Variants in KASH5 observed in about 807,000 individuals in gnomAD.
The protein encoded by KASH5 is protein KASH5.
Under a neutral mutation model 84.2 loss-of-function variants are expected in KASH5, and 72 were observed. The ratio of observed to expected loss-of-function variants is 0.85; its 90% CI spans 0.71 to 1.04. The LOEUF (loss-of-function observed/expected upper bound fraction) is 1.04. KASH5 is among the 50% of genes least tolerant of loss of function. The pLI is 0.00. For missense variants in KASH5, 650 were observed against 701.0 expected (o/e 0.93, Z 0.82); for synonymous variants, 260 against 279.1 (o/e 0.93, Z 0.68).
rs1479239846 is a variant in KASH5, at chr19:49,399,433, TG to T, written c.748-23del. 2 of 1,603,678 alleles carry T rather than the reference TG, an allele frequency of 1.2e-6. No homozygotes were observed. Among genetic ancestry groups the T allele is most frequent in the Admixed American group, 3.4e-5 (2 of 58,996 alleles). On this transcript the variant is annotated intron_variant, in intron 8 of 19. Coordinates refer to ENST00000447857, the MANE Select transcript of KASH5 (RefSeq NM_144688.5). The surrounding 1 kb of genome is among the most constrained non-coding windows in gnomAD (Gnocchi z 4.4). ...GCAAGGAGGCTAGAAATGAAACCTT[TG>T]TCCTCTCTCTGGGGTTGGTCAGGAA... is the stretch of plus-strand genomic sequence containing the variant.
In KASH5 at chr19:49,413,063, AC is replaced by A. The variant is rs532366690; in HGVS notation, c.1328+39del. Reference sequence around the variant, plus strand: ...AGCCATCCGTCTGCCTCAGGGTGACACCTTATTCACAGCTGTTTACAGTAGG... The same window carrying A: ...AGCCATCCGTCTGCCTCAGGGTGACACTTATTCACAGCTGTTTACAGTAGG... On this transcript the variant is annotated intron_variant, in intron 16 of 19. Coordinates refer to ENST00000447857, the MANE Select transcript of KASH5 (RefSeq NM_144688.5). 1.5e-4 allele frequency: 247 copies of A among 1,594,264 alleles called. No individual in the cohort carries two copies. The African/African-American group carries it at 2.8e-3, about 18-fold the overall frequency.
At chr19:49,397,175 AGC>A (rs1374829213) in intron 5 of KASH5, among the ~76,000 whole-genome samples, 1 of 152,106 alleles carries the variant, frequency 6.6e-6, no homozygotes, top group Non-Finnish European at 1.5e-5. Context: ...GAGGGCTGCA[AGC>A]AGAGGAGGGA....
chr19:49,403,987 C>T (rs1202000122), intron 9 of KASH5, among the ~76,000 whole-genome samples: 1 of 152,204 alleles, frequency 6.6e-6, no homozygotes, highest in African/African-American at 2.4e-5. Flanking sequence ...TGTGGAGAAC[C>T]TACAGAGCTG....
intron 7 of KASH5, among the ~76,000 whole-genome samples, chr19:49,398,474 G>T (rs115537323): frequency 0.034 from 5,184 of 151,318 alleles, 284 homozygotes; most frequent in African/African-American, 0.12. Context: ...GCTCTAGCGA[G>T]CCTCCCACCT....
intron 9 of KASH5, among the ~76,000 whole-genome samples, chr19:49,405,827 A>G (rs1487321447): frequency 1.3e-5 from 2 of 151,818 alleles, no homozygotes; most frequent in Non-Finnish European, 2.9e-5. Context: ...GTGGTGGCAC[A>G]TGCCTGTAAT....
chr19:49,415,312 C>T (rs1225750406), intron 17 of KASH5: 1 of 432,744 alleles, frequency 2.3e-6, no homozygotes, highest in Non-Finnish European at 4.3e-6. Flanking sequence ...AATGCACACG[C>T]ACATGCGCCC....
At chr19:49,394,606 G>C (rs771179438) in intron 3 of KASH5, 26 bp downstream of exon 3, 1 of 1,566,596 alleles carries the variant, frequency 6.4e-7, no homozygotes, top group Non-Finnish European at 8.8e-7. Flanking sequence ...GGGGTGCTGG[G>C]GACCAGTGCG....
chr19:49,406,326 A>G (rs1360246721), intron 9 of KASH5, among the ~76,000 whole-genome samples: 2 of 152,198 alleles, frequency 1.3e-5, no homozygotes, highest in Non-Finnish European at 2.9e-5. Flanking sequence ...TTATTAACCT[A>G]TCTAATCTTT....
In KASH5 at chr19:49,412,501, G is replaced by A. The variant is rs1179349139; in HGVS notation, c.1270-467G>A. On this transcript the variant is annotated intron_variant, in intron 15 of 19. Coordinates refer to ENST00000447857, the MANE Select transcript of KASH5 (RefSeq NM_144688.5). The surrounding 1 kb of genome is among the most constrained non-coding windows in gnomAD (Gnocchi z 4.6). ...AAACAATGGCAAGTTGGTTGCTGAG[G>A]TCAAGGGCAATGCCAATATGTCTCT... Among the ~76,000 whole-genome samples, 1 of 152,218 alleles carries A rather than the reference G, an allele frequency of 6.6e-6. No individual in the cohort carries two copies. The highest frequency in any genetic ancestry group is 2.4e-5 in the African/African-American group (1 of 41,452).
At chr19:49,406,128 C>CAAA (rs36100015) in intron 9 of KASH5, among the ~76,000 whole-genome samples, 4 of 97,678 alleles carry the variant, frequency 4.1e-5, no homozygotes, top group South Asian at 3.2e-4. Flanking sequence ...AACTCTGGCT[C>CAAA]AAAAAAAAAA....
chr19:49,395,943 G>A lies in KASH5; in HGVS notation c.400+110G>A. 1 of 836,084 alleles carries A rather than the reference G, an allele frequency of 1.2e-6. No homozygotes were observed. Among genetic ancestry groups the A allele is most frequent in the South Asian group, 1.5e-5 (1 of 67,124 alleles). 51.8% of individuals were successfully genotyped at this position (836,084 alleles called of 1,614,324 possible). A position where few individuals can be genotyped will look rare whatever the true frequency, so the allele number is the denominator to read the frequency against. ...AGGGTAGGAACCAGGGACCTTTACT[G>A]TAGACTAGAGCTGTGAGTGTGGCTT... On this transcript the variant is annotated intron_variant, in intron 5 of 19. Transcript: ENST00000447857. This position sits in a 1 kb window ranked among gnomAD's most constrained non-coding sequence, Gnocchi z 4.4.
chr19:49,417,033 CTAG>C lies in KASH5; in HGVS notation c.1394_1396del (p.Leu465_Gly466delinsArg). On this transcript the variant is annotated inframe_deletion, in exon 18 of 20. Transcript: ENST00000447857. The surrounding 1 kb of genome is among the most constrained non-coding windows in gnomAD (Gnocchi z 5.2). ...CTTGCAGGCTGATCTCCCTGTCCCT[CTAG>C]GAGCCCCTCGCCCTGGAGACATCCC... The C allele has an allele frequency of 6.3e-7, 1 of 1,591,930 alleles. No individual in the cohort carries two copies. The highest frequency in any genetic ancestry group is 2.3e-5 in the East Asian group (1 of 43,834).
intron 16 of KASH5, 91 bp downstream of exon 16, chr19:49,413,117 G>A (rs1221095600): frequency 1.2e-5 from 15 of 1,276,194 alleles, no homozygotes; most frequent in Admixed American, 1.9e-5. Flanking sequence ...GAGGGGATCG[G>A]CATTCATTCA....
At chr19:49,407,563 T>A in intron 11 of KASH5, 49 bp from the exon 12 acceptor site, 1 of 1,413,182 alleles carries the variant, frequency 7.1e-7, no homozygotes, top group Non-Finnish European at 9.7e-7. Flanking sequence ...CCACCCCCAG[T>A]GTCTTTGGGG....
chr19:49,411,918 GGGAAGGAAGGAAGGAAGGAAGGAA>G (rs56314106), intron 15 of KASH5, among the ~76,000 whole-genome samples: 39 of 128,250 alleles, frequency 3.0e-4, no homozygotes, highest in Admixed American at 1.1e-3. Flanking sequence ...GAGGGAAGGA[GGGAAGGAAGGAAGGAAGGAAGGAA>G]GGAAGGAAGG....
chr19:49,391,204 G>A (rs961040541), intron 2 of KASH5, among the ~76,000 whole-genome samples: 15 of 152,114 alleles, frequency 9.9e-5, no homozygotes, highest in African/African-American at 3.6e-4. Flanking sequence ...CGGCCCAGAT[G>A]GCACTTCTTA....
chr19:49,417,421 C>A lies in KASH5; in HGVS notation c.1600C>A (p.Leu534Met). The A allele has an allele frequency of 5.8e-6, 9 of 1,555,790 alleles. No individual in the cohort carries two copies. Among genetic ancestry groups the A allele is most frequent in the Non-Finnish European group, 7.8e-6 (9 of 1,149,578 alleles). ...PAPVLGLLLL[L>M]LLSVLLLGPS... ...TCCTGTCCTGGGCCTGCTGCTGCTG[C>A]TGCTGCTCTCTGTCCTGCTGCTTGG... The change falls in exon 20 of 20, where the codon CTG becomes ATG. Residue 534 changes from leucine (L) to methionine (M), a missense_variant. Transcript: ENST00000447857. The surrounding 1 kb of genome is among the most constrained non-coding windows in gnomAD (Gnocchi z 5.2).
chr19:49,404,564 G>A (rs551038043), intron 9 of KASH5, among the ~76,000 whole-genome samples: 76 of 152,242 alleles, frequency 5.0e-4, no homozygotes, highest in African/African-American at 1.7e-3. Flanking sequence ...ATTGTTACCC[G>A]CTTCTGCATC....
intron 2 of KASH5, among the ~76,000 whole-genome samples, chr19:49,392,917 A>G (rs1974048793): frequency 6.6e-6 from 1 of 151,982 alleles, no homozygotes; most frequent in Non-Finnish European, 1.5e-5. Context: ...ATCTCAAAAA[A>G]AAAAAAAACA....
Sources: gnomAD v4.1 joint callset for allele counts (sites outside exome capture counted in the v4.1 genomes callset) on GRCh38, gnomAD v4.1.1 for gene constraint, Gnocchi (gnomAD v3.1) non-coding constraint, MANE v1.5 for transcripts, NCBI Gene and HGNC (gene_info 2026-07-23, HGNC 2026-07-21) for gene names.